Variants in CCDC18 observed in about 807,000 individuals in gnomAD.
CCDC18 encodes the protein coiled-coil domain containing 18.
A neutral mutation model predicts 196.0 loss-of-function variants in CCDC18; 157 were observed. That is an observed-to-expected ratio of 0.80 (90% CI 0.70 to 0.91). CCDC18 has a LOEUF of 0.91. Among genes scored for constraint, CCDC18 ranks in the 40% least tolerant of loss-of-function variants. The pLI, the probability that CCDC18 is intolerant of heterozygous loss-of-function variation, is 0.00. For missense variants in CCDC18, 1,465 were observed against 1,611.6 expected, an observed-to-expected ratio of 0.91 and a Z score of 1.56; for synonymous variants, 482 against 529.2, an observed-to-expected ratio of 0.91 and a Z score of 1.22.
intron 12 of CCDC18, among the ~76,000 whole-genome samples, chr1:93,215,260 G>T (rs1426208415): frequency 6.6e-6 from 1 of 151,976 alleles, no homozygotes; most frequent in African/African-American, 2.4e-5. Flanking sequence ...AGTTAATATG[G>T]TTAATATACA....
At chr1:93,248,607 T>C (rs559481024) in intron 23 of CCDC18, among the ~76,000 whole-genome samples, 2 of 152,330 alleles carry the variant, frequency 1.3e-5, no homozygotes, top group African/African-American at 2.4e-5. Context: ...ATCAGGGATA[T>C]TGGCCTGTTG....
At chr1:93,211,712 G>A (rs2765545) in intron 10 of CCDC18, among the ~76,000 whole-genome samples, 80,075 of 151,998 alleles carry the variant, frequency 0.53, 24,268 homozygotes, top group South Asian at 0.68. Context: ...ATAGGATTCT[G>A]TCCTATAACA....
chr1:93,242,717 G>A (rs902163083), intron 21 of CCDC18, among the ~76,000 whole-genome samples: 10 of 152,164 alleles, frequency 6.6e-5, no homozygotes, highest in Non-Finnish European at 1.2e-4. Context: ...AGATACAGTG[G>A]GGGTACAGAC....
intron 1 of CCDC18, among the ~76,000 whole-genome samples, chr1:93,182,282 T>G (rs1649849802): frequency 6.6e-6 from 1 of 152,202 alleles, no homozygotes. Flanking sequence ...AATTTTTGAG[T>G]GGGGAATAAA....
intron 11 of CCDC18, among the ~76,000 whole-genome samples, chr1:93,214,291 C>G (rs12409621): frequency 0.059 from 8,985 of 152,036 alleles, 314 homozygotes; most frequent in South Asian, 0.072. Flanking sequence ...ACGATGGGGT[C>G]GGGAAGGATT....
rs1570634220 is a variant in CCDC18, at chr1:93,264,744, C to T, written c.3728C>T (p.Ala1243Val). 1 of 1,612,982 alleles carries T rather than the reference C, an allele frequency of 6.2e-7. No individual in the cohort carries two copies. The highest frequency in any genetic ancestry group is 2.2e-5 in the East Asian group (1 of 44,762). The part of the protein sequence containing the change: ...QENHAKWKIS[A>V]DSQKSSVQQL... ...AACCATGCAAAGTGGAAGATTTCTG[C>T]TGACTCTCAAAAGTCTTCTGTTCAG... Residue 1243 changes from alanine to valine, a missense_variant, in exon 27 of 29, where the codon GCT becomes GTT. Physicochemically the swap from Ala to Val is moderately conservative, Grantham distance 64 (BLOSUM62 0). Coordinates refer to ENST00000690025, the MANE Select transcript of CCDC18 (RefSeq NM_001378204.1).
chr1:93,254,700 A>C (rs2101062812), intron 24 of CCDC18, 86 bp downstream of exon 24: 1 of 1,262,862 alleles, frequency 7.9e-7, no homozygotes, highest in East Asian at 2.3e-5. Flanking sequence ...GTTGGTTTTA[A>C]TATACAGAAA....
chr1:93,267,837 A>G (rs578198875), intron 27 of CCDC18, among the ~76,000 whole-genome samples: 1 of 152,346 alleles, frequency 6.6e-6, no homozygotes, highest in South Asian at 2.1e-4. Flanking sequence ...GGAAGAATCA[A>G]TATAATGAAA....
chr1:93,179,924 G>T, upstream of CCDC18: 4 of 1,010,070 alleles, frequency 4.0e-6, no homozygotes, highest in Admixed American at 3.2e-5. Flanking sequence ...CGCGGAGCGG[G>T]CTGGCTTCCT....
intron 17 of CCDC18, among the ~76,000 whole-genome samples, chr1:93,231,483 C>T (rs1380200680): frequency 6.6e-6 from 1 of 152,038 alleles, no homozygotes; most frequent in African/African-American, 2.4e-5. Flanking sequence ...ATCACATTGA[C>T]AATCATCACT....
chr1:93,217,054 C>A (rs960809732), intron 13 of CCDC18, among the ~76,000 whole-genome samples: 2 of 151,432 alleles, frequency 1.3e-5, no homozygotes, highest in Non-Finnish European at 2.9e-5. Flanking sequence ...CCTGCCTCAG[C>A]CTCCCGAGTA....
At chr1:93,222,044 A>T in intron 16 of CCDC18, 108 bp downstream of exon 16, 5 of 679,804 alleles carry the variant, frequency 7.4e-6, no homozygotes. Context: ...ATGATAACTC[A>T]CTGCAACCTT....
intron 16 of CCDC18, 110 bp from the exon 17 acceptor site, chr1:93,226,223 C>CTGTATA: frequency 1.8e-6 from 1 of 554,376 alleles, no homozygotes; most frequent in East Asian, 3.0e-5. Context: ...CTAAGTAGGA[C>CTGTATA]TGTATATTCA....
chr1:93,207,617 A>T (rs528768847), intron 9 of CCDC18, among the ~76,000 whole-genome samples: 13 of 152,114 alleles, frequency 8.5e-5, no homozygotes, highest in African/African-American at 2.9e-4. Flanking sequence ...ATGGCACAGA[A>T]TTTTTTTTAA....
At chr1:93,201,258 T>G (rs759702215) in intron 6 of CCDC18, among the ~76,000 whole-genome samples, 1 of 152,170 alleles carries the variant, frequency 6.6e-6, no homozygotes, top group African/African-American at 2.4e-5. Flanking sequence ...GGTTTAAATA[T>G]TAAAATATTT....
intron 21 of CCDC18, 115 bp downstream of exon 21, chr1:93,240,011 CTCA>C: frequency 1.4e-6 from 1 of 735,282 alleles, no homozygotes; most frequent in South Asian, 1.9e-5. Context: ...CTCACTTTGG[CTCA>C]TCCCAGCCAG....
Position 93,266,766 on chromosome 1 carries a change from G to C in CCDC18, c.3885+1865G>C, listed in dbSNP as rs372903867. 2.4e-4 allele frequency among the ~76,000 whole-genome samples: 36 copies of C among 152,246 alleles called. No homozygotes were observed. The East Asian group carries it at 6.4e-3, about 27-fold the overall frequency. On this transcript the variant is annotated intron_variant, in intron 27 of 28. Coordinates refer to ENST00000690025, the MANE Select transcript of CCDC18 (RefSeq NM_001378204.1). ...CAGGAAGAAGTTGAATCCCTGAGTAGACCAACAACAGGTTCTGAAATTGAG... is the reference window on the plus strand; with the variant it reads ...CAGGAAGAAGTTGAATCCCTGAGTACACCAACAACAGGTTCTGAAATTGAG...
Position 93,271,081 on chromosome 1 carries a change from A to G in CCDC18, c.4353+267A>G, listed in dbSNP as rs907654170. The G allele has an allele frequency of 1.0e-5, 10 of 983,962 alleles. No individual in the cohort carries two copies. The African/African-American group carries it at 1.7e-4, about 17-fold the overall frequency. The allele number at this position is 983,962 out of a possible 1,614,324, so 61.0% of individuals were successfully genotyped here. ...GAAGATAGACATGAAAGTGCTTAAA[A>G]ATAAAAAAATTAAAAAACTGAAAAA... On this transcript the variant is annotated intron_variant, in intron 28 of 28. Coordinates refer to ENST00000690025, the MANE Select transcript of CCDC18 (RefSeq NM_001378204.1).
chr1:93,197,745 C>CTTTTTTT (rs71094240), intron 6 of CCDC18, among the ~76,000 whole-genome samples: 80 of 76,020 alleles, frequency 1.1e-3, no homozygotes, highest in African/African-American at 2.4e-3. Context: ...CTTTTCTTTT[C>CTTTTTTT]TTTTTTTTTT....
Sources: gnomAD v4.1 joint callset for allele counts (sites outside exome capture counted in the v4.1 genomes callset) on GRCh38, gnomAD v4.1.1 for gene constraint, MANE v1.5 for transcripts, NCBI Gene and HGNC (gene_info 2026-07-23, HGNC 2026-07-21) for gene names.